Variants in GOLGA8A observed in about 807,000 individuals in gnomAD.
GOLGA8A encodes golgin subfamily A member 8A.
Under a neutral mutation model 22.1 loss-of-function variants are expected in GOLGA8A, and 3 were observed. The observed-to-expected ratio is 0.14, with a 90% CI of 0.06 to 0.35. The LOEUF is 0.35. Among genes scored for constraint, GOLGA8A ranks in the 10% least tolerant of loss-of-function variants. The pLI, the probability that GOLGA8A is intolerant of heterozygous loss-of-function variation, is 1.00. For missense variants in GOLGA8A, 16 were observed against 233.2 expected, an observed-to-expected ratio of 0.07 and a Z score of 6.07; for synonymous variants, 7 against 91.7, an observed-to-expected ratio of 0.08 and a Z score of 5.28.
chr15:34,427,904 C>G (rs1217855375), intron 2 of GOLGA8A, among the ~76,000 whole-genome samples: 6 of 148,584 alleles, frequency 4.0e-5, no homozygotes, highest in Non-Finnish European at 7.5e-5. Context: ...CTCACCATCC[C>G]CACTCCCACT....
rs556972450 is a variant in GOLGA8A, at chr15:34,380,698, C to T, written c.*713G>A. 1 of 159,690 alleles carries T rather than the reference C, an allele frequency of 6.3e-6. No individual in the cohort carries two copies. The highest frequency in any genetic ancestry group is 2.4e-5 in the African/African-American group (1 of 41,462). 9.9% of individuals were successfully genotyped at this position (159,690 alleles called of 1,614,324 possible). On this transcript the variant is annotated 3_prime_UTR_variant, in exon 25 of 25. Coordinates refer to ENST00000359187, the MANE Select transcript of GOLGA8A (RefSeq NM_181077.5). ...CAAAGGGAACTGCCACAGTACACTGCTCATTCTTGGCACCGGAACAGATGA... is the reference window on the plus strand; with the variant it reads ...CAAAGGGAACTGCCACAGTACACTGTTCATTCTTGGCACCGGAACAGATGA...
intron 2 of GOLGA8A, among the ~76,000 whole-genome samples, chr15:34,429,657 C>T (rs900593989): frequency 4.7e-5 from 7 of 148,522 alleles, no homozygotes; most frequent in Admixed American, 1.4e-4. Flanking sequence ...CTGATCCCAC[C>T]CAGCTCTAAA....
At chr15:34,403,047 A>C (rs1892083346) in intron 5 of GOLGA8A, among the ~76,000 whole-genome samples, 1 of 105,908 alleles carries the variant, frequency 9.4e-6, no homozygotes. Context: ...AAGAGAATAT[A>C]AAACTAGACA....
chr15:34,436,566 G>T (rs1179536203), intron 1 of GOLGA8A, among the ~76,000 whole-genome samples: 1 of 150,154 alleles, frequency 6.7e-6, no homozygotes, highest in Non-Finnish European at 1.5e-5. Context: ...CTCCACTGGG[G>T]TGCTGCAGGA....
At chr15:34,435,583 G>C (rs1469220655) in intron 1 of GOLGA8A, 112 bp from the exon 2 acceptor site, 1 of 148,970 alleles carries the variant, frequency 6.7e-6, no homozygotes, top group Non-Finnish European at 1.5e-5. Context: ...CATGCAAGGT[G>C]CAAGAGAATG....
chr15:34,436,915 G>A (rs1448348044), intron 1 of GOLGA8A, among the ~76,000 whole-genome samples: 2 of 149,630 alleles, frequency 1.3e-5, no homozygotes, highest in African/African-American at 4.9e-5. Context: ...GCGAAGATCC[G>A]GGCTCGAGTT....
rs182475695 is a variant in GOLGA8A at position 34,434,923 on chromosome 15, C to T, written c.-1123+460G>A. 4.5e-3 allele frequency among the ~76,000 whole-genome samples: 675 copies of T among 149,614 alleles called. 53 individuals are homozygous for T. The highest frequency in any genetic ancestry group is 0.016 in the African/African-American group (635 of 40,568). On this transcript the variant is annotated intron_variant, in intron 2 of 24. Coordinates refer to ENST00000359187, the MANE Select transcript of GOLGA8A (RefSeq NM_181077.5). ...CGCTGCCCAGGCCCAGAGCTCTCTCCGTTTCTCTAAGGACCAGGCTGCAAG... is the reference window on the plus strand; with the variant it reads ...CGCTGCCCAGGCCCAGAGCTCTCTCTGTTTCTCTAAGGACCAGGCTGCAAG...
At chr15:34,386,097 T>G (rs1173211678) in intron 12 of GOLGA8A, among the ~76,000 whole-genome samples, 2 of 147,324 alleles carry the variant, frequency 1.4e-5, no homozygotes, top group Non-Finnish European at 2.9e-5. Flanking sequence ...CAATAGACAT[T>G]TACTGAGCAC....
chr15:34,429,235 T>A (rs1893122980), intron 2 of GOLGA8A, among the ~76,000 whole-genome samples: 1 of 147,464 alleles, frequency 6.8e-6, no homozygotes, highest in South Asian at 2.2e-4. Flanking sequence ...TCTCCTAGAA[T>A]TCACTTGGTA....
At position 34,379,501 on chromosome 15, in the gene GOLGA8A, C is replaced by G. The variant is rs1021237193; in HGVS notation, c.*1910G>C. 3 of 152,590 alleles carry G rather than the reference C, an allele frequency of 2.0e-5. No individual in the cohort carries two copies. The highest frequency in any genetic ancestry group is 6.5e-5 in the Admixed American group (1 of 15,276). The allele number at this position is 152,590 out of a possible 1,614,324, so 9.5% of individuals were successfully genotyped here. A position where few individuals can be genotyped will look rare whatever the true frequency, so the allele number is the denominator to read the frequency against. On this transcript the variant is annotated 3_prime_UTR_variant, in exon 25 of 25. Coordinates refer to ENST00000359187, the MANE Select transcript of GOLGA8A (RefSeq NM_181077.5). Reference sequence around the variant, plus strand: ...TGTGTAATACATTGATAAATTCATACAATTTGGAAGAGTCAGTTGAAGTTA... The same window carrying G: ...TGTGTAATACATTGATAAATTCATAGAATTTGGAAGAGTCAGTTGAAGTTA...
chr15:34,433,736 A>G lies in GOLGA8A; in HGVS notation c.-1123+1647T>C, dbSNP rs538719642. On this transcript the variant is annotated intron_variant, in intron 2 of 24. Transcript: ENST00000359187. The stretch of plus-strand genomic sequence containing the variant: ...ACTAAGGCTCTGCTGTGTGCCAGGC[A>G]CTTTTCTAGCTACTGGGGATCCAGA... Among the ~76,000 whole-genome samples, 110 of 149,692 alleles carry G rather than the reference A, an allele frequency of 7.3e-4. 6 individuals carry two copies. The highest frequency in any genetic ancestry group is 2.3e-3 in the African/African-American group (93 of 40,618).
At chr15:34,433,200 C>T (rs1351394016) in intron 2 of GOLGA8A, among the ~76,000 whole-genome samples, 1 of 148,146 alleles carries the variant, frequency 6.8e-6, no homozygotes, top group East Asian at 2.0e-4. Context: ...CAGGAGGAGG[C>T]TTCTGGAAGG....
intron 2 of GOLGA8A, among the ~76,000 whole-genome samples, chr15:34,425,678 C>T (rs201631229): frequency 0.068 from 9,606 of 140,902 alleles, 691 homozygotes; most frequent in South Asian, 0.19. Context: ...AGAAAATATC[C>T]GCAATATATA....
In GOLGA8A at chr15:34,432,622, G is replaced by A. The variant is rs144364959; in HGVS notation, c.-1123+2761C>T. 6.0e-3 allele frequency among the ~76,000 whole-genome samples: 902 copies of A among 149,370 alleles called. 101 individuals are homozygous for A. The highest frequency in any genetic ancestry group is 0.039 in the Admixed American group (571 of 14,782). On this transcript the variant is annotated intron_variant, in intron 2 of 24. Transcript: ENST00000359187. ...ATGTGTGTTTCATTCCAGTGGTTTC[G>A]CCATCAAAACCATCTTTAAATGTTG...
At chr15:34,420,148 T>G (rs923104273) in intron 2 of GOLGA8A, 9 of 148,122 alleles carry the variant, frequency 6.1e-5, no homozygotes, top group Admixed American at 1.4e-4. Context: ...CTAAGAAAAT[T>G]AAGATATCCT....
rs1196048402 is a variant in GOLGA8A at position 34,431,292 on chromosome 15, TA to T, written c.-1123+4090del. On this transcript the variant is annotated intron_variant, in intron 2 of 24. Coordinates refer to ENST00000359187, the MANE Select transcript of GOLGA8A (RefSeq NM_181077.5). ...CCAAACCAACCAAATGAAAAAAAAT[TA>T]TATATATATATATATATACATATAT... Among the ~76,000 whole-genome samples the T allele has an allele frequency of 8.3e-4, 5 of 6,014 alleles. No homozygotes were observed. In the Admixed American group the frequency reaches 0.019, roughly 22 times the overall value. The allele number at this position is 6,014 out of a possible 152,430, so 3.9% of individuals were successfully genotyped here. A position where few individuals can be genotyped will look rare whatever the true frequency, so the allele number is the denominator to read the frequency against.
rs533608001 is a variant in GOLGA8A, at chr15:34,432,931, G to A, written c.-1123+2452C>T. 6.7e-5 allele frequency among the ~76,000 whole-genome samples: 10 copies of A among 148,740 alleles called. 1 individual carries two copies. Among genetic ancestry groups the A allele is most frequent in the African/African-American group, 2.5e-4 (10 of 40,282 alleles). ...AGCTCTTGCTGTCATAAAATATCTC[G>A]CATCAGTTCAATATTGCATCTCGTC... On this transcript the variant is annotated intron_variant, in intron 2 of 24. Coordinates refer to ENST00000359187, the MANE Select transcript of GOLGA8A (RefSeq NM_181077.5).
At position 34,380,918 on chromosome 15, in the gene GOLGA8A, G is replaced by A. The variant is rs1313971236; in HGVS notation, c.*493C>T. 5 of 292,568 alleles carry A rather than the reference G, an allele frequency of 1.7e-5. No individual in the cohort carries two copies. The highest frequency in any genetic ancestry group is 6.8e-5 in the African/African-American group (3 of 44,438). The allele number at this position is 292,568 out of a possible 1,614,324, so 18.1% of individuals were successfully genotyped here. On this transcript the variant is annotated 3_prime_UTR_variant, in exon 25 of 25. Transcript: ENST00000359187. ...GTGGCATATTACAAAGTAATAAACA[G>A]TGCACACTTGAGGGCAAACCGCATA... is the stretch of plus-strand genomic sequence containing the variant.
chr15:34,424,406 G>A (rs1282458748), intron 2 of GOLGA8A, among the ~76,000 whole-genome samples: 2 of 140,354 alleles, frequency 1.4e-5, no homozygotes, highest in African/African-American at 5.2e-5. Context: ...AAGAAAGGTC[G>A]ACGATGGCAA....
Sources: gnomAD v4.1 joint callset for allele counts (sites outside exome capture counted in the v4.1 genomes callset) on GRCh38, gnomAD v4.1.1 for gene constraint, MANE v1.5 for transcripts, NCBI Gene and HGNC (gene_info 2026-07-23, HGNC 2026-07-21) for gene names.